Variants in LRRC4B observed in about 807,000 individuals in gnomAD.
The protein encoded by LRRC4B is leucine-rich repeat-containing protein 4B.
LRRC4B carries 1 observed loss-of-function variant against 7.3 expected under a neutral mutation model. That is an observed-to-expected ratio of 0.14 (90% confidence interval 0.05 to 0.65). LRRC4B has a LOEUF of 0.65. Ranked by LOEUF, LRRC4B falls within the 30% of genes least tolerant of loss-of-function variation. The pLI is 0.84. For missense variants in LRRC4B, 730 were observed against 1,041.6 expected (o/e 0.70, Z 4.12); for synonymous variants, 500 against 499.2 (o/e 1.00, Z -0.02).
At chr19:50,525,318 C>T (rs116535051) in intron 2 of LRRC4B, among the ~76,000 whole-genome samples, 1,585 of 152,028 alleles carry the variant, frequency 0.01, 33 homozygotes, top group African/African-American at 0.036. Flanking sequence ...TTATCGTTAT[C>T]GTTGGCGTTG....
At position 50,517,724 on chromosome 19, in the gene LRRC4B, G is replaced by C. The variant is rs763407042; in HGVS notation, c.1989C>G (p.His663Gln). Residue 663 changes from histidine (H) to glutamine (Q), a missense_variant, in exon 3 of 3, where the codon CAC (histidine) becomes CAG (glutamine). Around this residue, in one of 6 missense-constraint regions of LRRC4B, gnomAD observed 160 missense variants for 163.9 expected, o/e 0.98. Transcript: ENST00000652263. This position sits in a 1 kb window ranked among gnomAD's most constrained non-coding sequence, Gnocchi z 6.6. ...PALERDHLNH[H>Q]HYVAAAFKAH... Reference sequence around the variant, plus strand: ...CCTTGAAGGCGGCAGCCACGTAGTGGTGGTGGTTGAGGTGGTCTCGCTCCA... The same window carrying C: ...CCTTGAAGGCGGCAGCCACGTAGTGCTGGTGGTTGAGGTGGTCTCGCTCCA... 1.7e-5 allele frequency: 26 copies of C among 1,553,134 alleles called. No individual in the cohort carries two copies. Among genetic ancestry groups the C allele is most frequent in the Non-Finnish European group, 2.2e-5 (25 of 1,151,442 alleles).
In LRRC4B at chr19:50,518,069, G is replaced by T; in HGVS notation, c.1644C>A (p.Pro548=). ...TGGGCACCGTGAACGCCTTCTCCGT[G>T]GGCCGCGAGGAGCGCGGGGCGGGTG... ...TTAPAPRSSR[P]TEKAFTVPIT... The change falls in exon 3 of 3, where the codon CCC becomes CCA. Residue 548 remains proline, a synonymous_variant. Coordinates refer to ENST00000652263, the MANE Select transcript of LRRC4B (RefSeq NM_001080457.2). 1 of 1,589,726 alleles carries T rather than the reference G, an allele frequency of 6.3e-7. No homozygotes were observed. The highest frequency in any genetic ancestry group is 2.2e-5 in the East Asian group (1 of 44,522).
chr19:50,527,561 A>G (rs1308045739), intron 2 of LRRC4B, among the ~76,000 whole-genome samples: 1 of 151,538 alleles, frequency 6.6e-6, no homozygotes, highest in Non-Finnish European at 1.5e-5. Flanking sequence ...CATTGTGAGT[A>G]TTTTCTTACA....
At chr19:50,558,860 A>G (rs1174086021) in intron 1 of LRRC4B, among the ~76,000 whole-genome samples, 1 of 152,256 alleles carries the variant, frequency 6.6e-6, no homozygotes, top group East Asian at 1.9e-4. Flanking sequence ...TATGGGACTC[A>G]TGGAGAAGCC....
intron 2 of LRRC4B, among the ~76,000 whole-genome samples, chr19:50,525,271 G>C (rs1980754362): frequency 6.6e-6 from 1 of 152,206 alleles, no homozygotes; most frequent in South Asian, 2.1e-4. Context: ...TGAGGTCCCA[G>C]TGTTCAGGGG....
chr19:50,517,789 C>T lies in LRRC4B; in HGVS notation c.1924G>A (p.Gly642Ser). Residue 642 changes from glycine (G) to serine (S), a missense_variant, in exon 3 of 3, where the codon GGT (glycine) becomes AGT (serine). Physicochemically the swap from Gly to Ser is moderately conservative, Grantham distance 56. This residue lies in a region of LRRC4B where 160 missense variants were observed against 163.9 expected (regional missense o/e 0.98). Transcript: ENST00000652263. The surrounding 1 kb of genome is among the most constrained non-coding windows in gnomAD (Gnocchi z 6.6). ...AGGTGGCTGTCCCCGCCCACACCAC[C>T]CCCACTGGCCACGGCGGCCGCGGCG... is the stretch of plus-strand genomic sequence containing the variant. The part of the protein sequence containing the change: ...VAAAAAVASG[G>S]GVGGDSHLAL... The T allele has an allele frequency of 1.3e-6, 2 of 1,531,562 alleles. No individual in the cohort carries two copies. The highest frequency in any genetic ancestry group is 1.3e-5 in the South Asian group (1 of 78,296). The allele number at this position is 1,531,562 out of a possible 1,614,324, so 94.9% of individuals were successfully genotyped here. A position where few individuals can be genotyped will look rare whatever the true frequency, so the allele number is the denominator to read the frequency against.
chr19:50,540,172 A>G (rs2122862228), intron 2 of LRRC4B, among the ~76,000 whole-genome samples: 1 of 152,192 alleles, frequency 6.6e-6, no homozygotes, highest in South Asian at 2.1e-4. Flanking sequence ...ATAATATTCC[A>G]TTGTAATGGG....
Position 50,548,949 on chromosome 19 carries a change from C to T in LRRC4B, c.-35-76G>A. 3 of 769,856 alleles carry T rather than the reference C, an allele frequency of 3.9e-6. No homozygotes were observed. Among genetic ancestry groups the T allele is most frequent in the Non-Finnish European group, 6.1e-6 (3 of 495,354 alleles). 47.7% of individuals were successfully genotyped at this position (769,856 alleles called of 1,614,324 possible). ...ATGTGGCCTGGGTGCTTGCCAACAC[C>T]CAGGCAGCCCCATCGCCGCCTCCCT... On this transcript the variant is annotated intron_variant, in intron 1 of 2. Transcript: ENST00000652263. The surrounding 1 kb of genome is among the most constrained non-coding windows in gnomAD (Gnocchi z 6.8).
At chr19:50,558,810 G>A (rs114493510) in intron 1 of LRRC4B, among the ~76,000 whole-genome samples, 226 of 152,340 alleles carry the variant, frequency 1.5e-3, no homozygotes, top group African/African-American at 4.2e-3. Context: ...GTGCCGCTCC[G>A]TCTGCTCCTT....
chr19:50,523,004 G>A (rs953172574), intron 2 of LRRC4B, among the ~76,000 whole-genome samples: 2 of 152,242 alleles, frequency 1.3e-5, no homozygotes, highest in Admixed American at 1.3e-4. Flanking sequence ...CACAGAAGTG[G>A]ACAGCAGAGT....
chr19:50,518,538 G>A lies in LRRC4B; in HGVS notation c.1175C>T (p.Thr392Ile), dbSNP rs1317608002. ...GTTGGGCGTCAGCCAGTTGACGGAG[G>A]TCATGGAGGTGCCCGTGCGGCATTT... is the stretch of plus-strand genomic sequence containing the variant. Reference protein sequence around the residue: ...ELKCRTGTSMTSVNWLTPNGT... With the variant: ...ELKCRTGTSMISVNWLTPNGT... The change falls in exon 3 of 3, where the codon ACC (threonine) becomes ATC (isoleucine). Residue 392 changes from threonine to isoleucine, a missense_variant. Thr to Ile is a moderately conservative substitution (Grantham distance 89). This residue lies in a region of LRRC4B where 226 missense variants were observed against 448.0 expected (regional missense o/e 0.50). Coordinates refer to ENST00000652263, the MANE Select transcript of LRRC4B (RefSeq NM_001080457.2). 2 of 1,581,900 alleles carry A rather than the reference G, an allele frequency of 1.3e-6. No individual in the cohort carries two copies. The highest frequency in any genetic ancestry group is 1.7e-6 in the Non-Finnish European group (2 of 1,161,764).
chr19:50,557,381 G>A (rs770658869), intron 1 of LRRC4B, among the ~76,000 whole-genome samples: 16 of 152,218 alleles, frequency 1.1e-4, no homozygotes, highest in Non-Finnish European at 2.1e-4. Context: ...CAGGGCAGCA[G>A]GGGAGCTGGG....
intron 2 of LRRC4B, among the ~76,000 whole-genome samples, chr19:50,520,410 A>G (rs189821704): frequency 2.0e-5 from 3 of 151,750 alleles, no homozygotes; most frequent in Admixed American, 6.6e-5. Flanking sequence ...TGGGTGGATC[A>G]CCTGAGGTCA....
Position 50,563,951 on chromosome 19 carries a change from T to C in LRRC4B, c.-36+3993A>G, listed in dbSNP as rs1982548470. Among the ~76,000 whole-genome samples the C allele has an allele frequency of 6.6e-6, 1 of 151,948 alleles. No individual in the cohort carries two copies. Among genetic ancestry groups the C allele is most frequent in the Non-Finnish European group, 1.5e-5 (1 of 67,980 alleles). ...GCCCAGTCAAAGTGAGGCTTGGAGT[T>C]AGGGCAAACTGATGGGGGGATGAAG... is the stretch of plus-strand genomic sequence containing the variant. On this transcript the variant is annotated intron_variant, in intron 1 of 2. Transcript: ENST00000652263. The surrounding 1 kb of genome is among the most constrained non-coding windows in gnomAD (Gnocchi z 4.9).
intron 2 of LRRC4B, among the ~76,000 whole-genome samples, chr19:50,520,824 G>GA (rs1325686121): frequency 6.6e-6 from 1 of 151,934 alleles, no homozygotes; most frequent in East Asian, 1.9e-4. Context: ...GATTGAAGAG[G>GA]AAAAAACTTT....
Position 50,565,612 on chromosome 19 carries a change from G to A in LRRC4B, c.-36+2332C>T, listed in dbSNP as rs918130190. Among the ~76,000 whole-genome samples the A allele has an allele frequency of 5.3e-5, 8 of 151,036 alleles. No homozygotes were observed. The East Asian group carries it at 5.9e-4, about 11-fold the overall frequency. On this transcript the variant is annotated intron_variant, in intron 1 of 2. Transcript: ENST00000652263. ...CACGTGCCCCGTGTCTTCCTCGCAC[G>A]CTCCCACTCTCTGTCGCTGACTTGC...
At chr19:50,521,025 G>A (rs547105439) in intron 2 of LRRC4B, among the ~76,000 whole-genome samples, 3 of 152,256 alleles carry the variant, frequency 2.0e-5, no homozygotes, top group Non-Finnish European at 2.9e-5. Context: ...CAAACACTGC[G>A]AGGTGTGGCC....
intron 1 of LRRC4B, among the ~76,000 whole-genome samples, chr19:50,549,180 T>C (rs1981947572): frequency 6.6e-6 from 1 of 152,140 alleles, no homozygotes; most frequent in Non-Finnish European, 1.5e-5. Flanking sequence ...ACTCATCCAG[T>C]AAGTGCAGAA....
intron 2 of LRRC4B, among the ~76,000 whole-genome samples, chr19:50,545,296 A>C (rs943714312): frequency 4.0e-5 from 6 of 149,806 alleles, no homozygotes; most frequent in Admixed American, 1.3e-4. Flanking sequence ...AATCCCAGCT[A>C]CTCAAGAAGG....
Sources: allele counts gnomAD v4.1 joint callset (sites outside exome capture counted in the v4.1 genomes callset), GRCh38; gene constraint gnomAD v4.1.1; regional missense constraint gnomAD v4.1.1; non-coding constraint Gnocchi (gnomAD v3.1); transcripts MANE v1.5; gene names NCBI Gene and HGNC (gene_info 2026-07-23, HGNC 2026-07-21).